OPA1: variants seen among roughly 807,000 people sequenced by gnomAD.
OPA1 encodes the protein dynamin-like GTPase OPA1, mitochondrial.
In OPA1, 59 loss-of-function variants were observed where a neutral mutation model predicts 152.9. The ratio of observed to expected loss-of-function variants is 0.39; its 90% CI spans 0.31 to 0.48. The LOEUF (loss-of-function observed/expected upper bound fraction) is 0.48. OPA1 is among the 20% of genes least tolerant of loss of function. OPA1 has a pLI of 0.96. For synonymous variants in OPA1, 400 were observed against 389.9 expected, an observed-to-expected ratio of 1.03 and a Z score of -0.31; for missense variants, 1,008 against 1,216.8, an observed-to-expected ratio of 0.83 and a Z score of 2.55.
intron 27 of OPA1, among the ~76,000 whole-genome samples, chr3:193,665,237 A>C (rs2109256962): frequency 6.6e-6 from 1 of 150,436 alleles, no homozygotes; most frequent in East Asian, 1.9e-4. Flanking sequence ...ATAGTAAAAA[A>C]AAGTGTGAAT....
chr3:193,657,130 G>T lies in OPA1; in HGVS notation c.2229G>T (p.Pro743=). Reference sequence around the variant, plus strand: ...AATTTTCCCGCTTTATGACAGAACCGAAAGGGAAAGAGCATGATGACATAT... The same window carrying T: ...AATTTTCCCGCTTTATGACAGAACCTAAAGGGAAAGAGCATGATGACATAT... The part of the protein sequence containing the change: ...QEEFSRFMTE[P]KGKEHDDIFD... The change falls in exon 23 of 31, where the codon CCG becomes CCT. Residue 743 remains proline, a synonymous_variant. Transcript: ENST00000361510. 1 of 1,613,824 alleles carries T rather than the reference G, an allele frequency of 6.2e-7. No homozygotes were observed. Among genetic ancestry groups the T allele is most frequent in the African/African-American group, 1.3e-5 (1 of 74,988 alleles).
chr3:193,663,725 G>C (rs1200485078), intron 26 of OPA1, among the ~76,000 whole-genome samples: 1 of 152,022 alleles, frequency 6.6e-6, no homozygotes, highest in Non-Finnish European at 1.5e-5. Flanking sequence ...TTATGTTTCT[G>C]TACTTGAGGG....
chr3:193,662,806 T>A lies in OPA1; in HGVS notation c.2521-16T>A, dbSNP rs202098728. The A allele has an allele frequency of 9.9e-5, 160 of 1,611,032 alleles. 3 individuals carry two copies. In the East Asian group the frequency reaches 1.2e-3, roughly 12 times the overall value. On this transcript the variant is annotated splice_polypyrimidine_tract_variant and intron_variant, in intron 25 of 30. Transcript: ENST00000361510. The stretch of plus-strand genomic sequence containing the variant: ...ATGAACCATCTAAACACAGTCCTTT[T>A]TTAAACATTTTAAAGTGTGTTCACA...
intron 29 of OPA1, chr3:193,668,185 C>CT (rs1163817205): frequency 6.2e-6 from 4 of 644,274 alleles, no homozygotes; most frequent in Admixed American, 2.8e-5. Context: ...AGTGTTCTCC[C>CT]TTTCGATATT....
At chr3:193,648,178 A>G (rs1011528305) in intron 20 of OPA1, 44 bp downstream of exon 20, 3 of 1,456,454 alleles carry the variant, frequency 2.1e-6, no homozygotes, top group Middle Eastern at 1.7e-4. Context: ...TCTTAATTTA[A>G]TGTTGTTTGC....
At chr3:193,617,146 T>G (rs772474510) in intron 3 of OPA1, 32 bp from the exon 4 acceptor site, 2 of 1,304,528 alleles carry the variant, frequency 1.5e-6, no homozygotes, top group South Asian at 2.4e-5. Context: ...ATTTTCTTAG[T>G]TTCATACTCT....
chr3:193,598,076 G>A (rs1017249451), intron 1 of OPA1, among the ~76,000 whole-genome samples: 5 of 152,070 alleles, frequency 3.3e-5, no homozygotes, highest in African/African-American at 7.2e-5. Flanking sequence ...GCAAGACTTC[G>A]TCTCAAAAAT....
At position 193,642,327 on chromosome 3, in the gene OPA1, C is replaced by T. The variant is rs73067690; in HGVS notation, c.1150-438C>T. ...CAGCTCTGTGTTTCCCCACCTACAA[C>T]ACCTGACACATAGTTCACTCTCTAT... On this transcript the variant is annotated intron_variant, in intron 11 of 30. Transcript: ENST00000361510. Among the ~76,000 whole-genome samples, 1,106 of 152,276 alleles carry T rather than the reference C, an allele frequency of 7.3e-3. 9 individuals are homozygous for T. Among genetic ancestry groups the T allele is most frequent in the African/African-American group, 0.021 (893 of 41,542 alleles).
chr3:193,633,808 A>C (rs1235483765), intron 8 of OPA1, among the ~76,000 whole-genome samples: 1 of 152,158 alleles, frequency 6.6e-6, no homozygotes, highest in Non-Finnish European at 1.5e-5. Context: ...TGATAACTAC[A>C]TGTGGCTAGT....
In OPA1 at chr3:193,657,073, A is replaced by C; in HGVS notation, c.2179-7A>C. 1 of 1,607,640 alleles carries C rather than the reference A, an allele frequency of 6.2e-7. No homozygotes were observed. The highest frequency in any genetic ancestry group is 1.3e-5 in the African/African-American group (1 of 74,506). On this transcript the variant is annotated splice_polypyrimidine_tract_variant and splice_region_variant and intron_variant, in intron 22 of 30. Coordinates refer to ENST00000361510, the MANE Select transcript of OPA1 (RefSeq NM_130837.3). ...AATATGGCTTTTTTTCTTTCAAATA[A>C]TTATAGGTTGCTTGGGAGACCCTAC...
intron 7 of OPA1, among the ~76,000 whole-genome samples, chr3:193,630,910 C>T (rs1010345883): frequency 1.1e-4 from 17 of 152,170 alleles, no homozygotes; most frequent in Admixed American, 3.9e-4. Flanking sequence ...AAGTAGTTTA[C>T]ACAATACCTG....
chr3:193,682,110 G>T (rs1412750247), intron 29 of OPA1, among the ~76,000 whole-genome samples: 1 of 152,236 alleles, frequency 6.6e-6, no homozygotes, highest in Non-Finnish European at 1.5e-5. Flanking sequence ...TGTTATTCCA[G>T]TGAACACACG....
intron 21 of OPA1, among the ~76,000 whole-genome samples, chr3:193,649,422 G>T (rs1309652898): frequency 6.6e-6 from 1 of 152,084 alleles, no homozygotes; most frequent in African/African-American, 2.4e-5. Context: ...TGTAAGTTTG[G>T]CCATTCCTAA....
At chr3:193,685,658 A>G (rs933157725) in intron 29 of OPA1, among the ~76,000 whole-genome samples, 83 of 152,338 alleles carry the variant, frequency 5.4e-4, no homozygotes, top group African/African-American at 1.9e-3. Context: ...CATTATAAAA[A>G]TGATCTTTCC....
chr3:193,678,259 A>G (rs1719512502), intron 29 of OPA1, among the ~76,000 whole-genome samples: 1 of 151,638 alleles, frequency 6.6e-6, no homozygotes, highest in African/African-American at 2.4e-5. Flanking sequence ...TGTGTCATAT[A>G]TACAGATCTG....
intron 29 of OPA1, among the ~76,000 whole-genome samples, chr3:193,671,396 T>C (rs1405697469): frequency 6.6e-6 from 1 of 152,172 alleles, no homozygotes; most frequent in Non-Finnish European, 1.5e-5. Context: ...TGGCCTGTAA[T>C]CTTCAAATGC....
rs1396736267 is a variant in OPA1, at chr3:193,648,849, A to G, written c.1990A>G (p.Ser664Gly). 6.2e-7 allele frequency: 1 copy of G among 1,608,836 alleles called. No homozygotes were observed. Among genetic ancestry groups the G allele is most frequent in the Non-Finnish European group, 8.5e-7 (1 of 1,175,466 alleles). The change falls in exon 21 of 31, where the codon AGC becomes GGC. Residue 664 changes from serine (S) to glycine (G), a missense_variant. Ser to Gly is a moderately conservative substitution (Grantham distance 56, BLOSUM62 0). Transcript: ENST00000361510. ...NEILDEVISL[S>G]QVTPKHWEEI... ...AATCCTTGATGAAGTTATCAGTCTGAGCCAGGTTACACCAAAACATTGGTA... is the reference window on the plus strand; with the variant it reads ...AATCCTTGATGAAGTTATCAGTCTGGGCCAGGTTACACCAAAACATTGGTA...
chr3:193,683,273 C>CTTT (rs35730104), intron 29 of OPA1, among the ~76,000 whole-genome samples: 6 of 140,706 alleles, frequency 4.3e-5, no homozygotes, highest in African/African-American at 1.5e-4. Flanking sequence ...TTTCTTTTTT[C>CTTT]TTTTTTTTTT....
At chr3:193,638,674 A>G (rs1235406994) in intron 11 of OPA1, among the ~76,000 whole-genome samples, 7 of 152,232 alleles carry the variant, frequency 4.6e-5, no homozygotes, top group Non-Finnish European at 7.3e-5. Context: ...TATCAAATCA[A>G]TCTTCGGCCA....
Sources: gnomAD v4.1 joint callset for allele counts (sites outside exome capture counted in the v4.1 genomes callset) on GRCh38, gnomAD v4.1.1 for gene constraint, MANE v1.5 for transcripts, NCBI Gene and HGNC (gene_info 2026-07-23, HGNC 2026-07-21) for gene names.